Variants in LRRC18 observed in about 807,000 individuals in gnomAD.
LRRC18 encodes the protein leucine rich repeat containing 18, also known as leucine-rich repeat-containing protein 18.
A neutral mutation model predicts 11.2 loss-of-function variants in LRRC18; 12 were observed. That is an observed-to-expected ratio of 1.07 (90% confidence interval 0.69 to 1.74). The LOEUF (loss-of-function observed/expected upper bound fraction) is 1.74, where lower values mean the gene tolerates loss of function less well. Among genes scored for constraint, LRRC18 ranks in the 40% most tolerant of loss-of-function variants. The pLI is 0.00. For synonymous variants in LRRC18, 155 were observed against 130.6 expected (o/e 1.19, Z -1.27); for missense variants, 374 against 330.5 (o/e 1.13, Z -1.02).
the LRRC18 span, among the ~76,000 whole-genome samples, chr10:48,937,988 C>T: frequency 6.6e-6 from 1 of 152,248 alleles, no homozygotes; most frequent in Non-Finnish European, 1.5e-5. Flanking sequence ...GAAGCCTCGC[C>T]TGGCAATGGC....
upstream of LRRC18, among the ~76,000 whole-genome samples, chr10:48,914,825 T>C (rs1400041896): frequency 6.6e-6 from 1 of 152,176 alleles, no homozygotes; most frequent in African/African-American, 2.4e-5. Context: ...GGTGTGCCAT[T>C]GCTGGGCCCA....
chr10:48,926,465 C>T, the LRRC18 span, among the ~76,000 whole-genome samples: 6 of 152,304 alleles, frequency 3.9e-5, no homozygotes, highest in African/African-American at 1.2e-4. Flanking sequence ...AGCCAGCCAA[C>T]GCAACAGATT....
the LRRC18 span, among the ~76,000 whole-genome samples, chr10:48,933,892 T>A: frequency 6.6e-6 from 1 of 152,098 alleles, no homozygotes; most frequent in African/African-American, 2.4e-5. Flanking sequence ...TCACCCTTGA[T>A]ACTGGGTAAC....
At chr10:48,916,120 C>T (rs1589877869), upstream of LRRC18, among the ~76,000 whole-genome samples, 1 of 152,306 alleles carries the variant, frequency 6.6e-6, no homozygotes, top group South Asian at 2.1e-4. Flanking sequence ...TGATATCAGG[C>T]AGATTGGAGA....
chr10:48,914,165 G>A (rs367775365), exon 1 of LRRC18: 14 of 1,607,908 alleles, frequency 8.7e-6, no homozygotes, highest in African/African-American at 6.7e-5. Context: ...TGTTCTTTTA[G>A]TAAGGGAGTG....
chr10:48,927,057 G>C, the LRRC18 span, among the ~76,000 whole-genome samples: 3,199 of 151,392 alleles, frequency 0.021, 121 homozygotes, highest in African/African-American at 0.073. Flanking sequence ...GCCCTGGAGA[G>C]CTGCAGGCTG....
At chr10:48,914,100 C>G (rs149062398) in exon 1 of LRRC18, 25 of 1,614,100 alleles carry the variant, frequency 1.5e-5, no homozygotes, top group Middle Eastern at 1.6e-4. Flanking sequence ...GATGCAATTC[C>G]TGGCCACCTT....
chr10:48,918,739 G>A (rs929580745), upstream of LRRC18, among the ~76,000 whole-genome samples: 1 of 133,278 alleles, frequency 7.5e-6, no homozygotes, highest in Non-Finnish European at 1.7e-5. Flanking sequence ...GTAATTATTT[G>A]TTGTCAGCAG....
At chr10:48,926,578 C>G in the LRRC18 span, among the ~76,000 whole-genome samples, 1 of 152,088 alleles carries the variant, frequency 6.6e-6, no homozygotes, top group African/African-American at 2.4e-5. Flanking sequence ...AAATAAGGTC[C>G]CTGAAGAAAT....
chr10:48,938,817 C>A, the LRRC18 span, among the ~76,000 whole-genome samples: 1 of 152,206 alleles, frequency 6.6e-6, no homozygotes, highest in African/African-American at 2.4e-5. Context: ...CGTCCTGATT[C>A]AGAGATAATC....
intron 1 of LRRC18, 53 bp downstream of exon 3, chr10:48,913,339 C>T (rs1389988702): frequency 4.5e-6 from 7 of 1,552,542 alleles, no homozygotes; most frequent in Non-Finnish European, 6.1e-6. Context: ...GCCCACTGCC[C>T]TCTTCCCTCC....
At chr10:48,935,294 G>A in the LRRC18 span, 3 of 152,338 alleles carry the variant, frequency 2.0e-5, no homozygotes, top group East Asian at 3.9e-4. Flanking sequence ...TGAGAGGACG[G>A]AAGGCTGAAA....
chr10:48,935,045 T>C, the LRRC18 span: 3 of 152,228 alleles, frequency 2.0e-5, no homozygotes, highest in South Asian at 2.1e-4. Flanking sequence ...TAAAGCATAC[T>C]GGGAAAACAG....
chr10:48,915,591 T>C (rs1380840108), upstream of LRRC18, among the ~76,000 whole-genome samples: 2 of 152,168 alleles, frequency 1.3e-5, no homozygotes, highest in Admixed American at 6.5e-5. Context: ...ACATGAATAT[T>C]GAGCAATCAG....
chr10:48,924,624 T>C, the LRRC18 span, among the ~76,000 whole-genome samples: 2 of 152,106 alleles, frequency 1.3e-5, no homozygotes, highest in Non-Finnish European at 2.9e-5. Flanking sequence ...TTGTACAATT[T>C]TTTTTTATAC....
At chr10:48,923,483 CAAAT>C in the LRRC18 span, among the ~76,000 whole-genome samples, 11 of 66,062 alleles carry the variant, frequency 1.7e-4, no homozygotes, top group East Asian at 1.8e-3. Flanking sequence ...AGGTAAACAA[CAAAT>C]AGTTTTTAGT....
the LRRC18 span, chr10:48,935,271 C>T: frequency 9.2e-5 from 14 of 152,364 alleles, no homozygotes; most frequent in South Asian, 6.2e-4. Context: ...AGTCTTGACA[C>T]CAGCCTGCAA....
At chr10:48,916,917 A>T (rs1014853271), upstream of LRRC18, among the ~76,000 whole-genome samples, 1 of 150,814 alleles carries the variant, frequency 6.6e-6, no homozygotes, top group Non-Finnish European at 1.5e-5. Flanking sequence ...GTGTACAACC[A>T]TGTGCTGCAT....
At chr10:48,936,442 T>C in the LRRC18 span, among the ~76,000 whole-genome samples, 3 of 152,026 alleles carry the variant, frequency 2.0e-5, no homozygotes, top group Non-Finnish European at 4.4e-5. Flanking sequence ...TTAAATAATA[T>C]AAAAATCATA....
Sources: gnomAD v4.1 joint callset for allele counts (sites outside exome capture counted in the v4.1 genomes callset) on GRCh38, gnomAD v4.1.1 for gene constraint, MANE v1.5 for transcripts, NCBI Gene and HGNC (gene_info 2026-07-23, HGNC 2026-07-21) for gene names.